SLC47A2: variants seen among roughly 807,000 people sequenced by gnomAD.
SLC47A2 encodes solute carrier family 47 member 2.
Under a neutral mutation model 67.7 loss-of-function variants are expected in SLC47A2, and 52 were observed. The ratio of observed to expected loss-of-function variants is 0.77; its 90% CI spans 0.61 to 0.97. SLC47A2 has a LOEUF of 0.97. Among genes scored for constraint, SLC47A2 ranks in the 50% least tolerant of loss-of-function variants. The probability of loss-of-function intolerance (pLI) is 0.00; values close to 1 mark genes in which losing one functional copy is unlikely to be tolerated. For missense variants in SLC47A2, 676 were observed against 712.3 expected (o/e 0.95, Z 0.58); for synonymous variants, 278 against 292.9 (o/e 0.95, Z 0.52).
intron 5 of SLC47A2, among the ~76,000 whole-genome samples, chr17:19,710,376 A>G (rs2086061293): frequency 6.6e-6 from 1 of 152,258 alleles, no homozygotes; most frequent in African/African-American, 2.4e-5. Flanking sequence ...AGTTGGATTA[A>G]TATCTTAAAT....
intron 13 of SLC47A2, among the ~76,000 whole-genome samples, chr17:19,687,822 A>T (rs1180103002): frequency 6.6e-6 from 1 of 152,182 alleles, no homozygotes; most frequent in Non-Finnish European, 1.5e-5. Context: ...GACTAATAAC[A>T]AATAATGAGA....
At chr17:19,717,712 CA>C (rs80151385), upstream of SLC47A2, 1,033 of 128,922 alleles carry the variant, frequency 8.0e-3, 7 homozygotes, top group East Asian at 0.052. Flanking sequence ...AGGACAAATA[CA>C]AAAAAAAAAA....
chr17:19,695,949 T>C (rs943775083), intron 13 of SLC47A2, among the ~76,000 whole-genome samples: 6 of 151,656 alleles, frequency 4.0e-5, no homozygotes, highest in African/African-American at 1.5e-4. Flanking sequence ...GGTCTTGAAC[T>C]CCTGACCTCA....
chr17:19,711,370 T>G (rs921397379), intron 5 of SLC47A2, among the ~76,000 whole-genome samples: 8 of 150,450 alleles, frequency 5.3e-5, no homozygotes, highest in African/African-American at 1.9e-4. Flanking sequence ...AGCGAGTGGA[T>G]CACCTGAGGT....
chr17:19,686,878 G>A (rs9909912), intron 13 of SLC47A2, among the ~76,000 whole-genome samples: 15 of 152,104 alleles, frequency 9.9e-5, no homozygotes, highest in African/African-American at 3.6e-4. Flanking sequence ...TTGCAACACT[G>A]GACAGATCAT....
intron 8 of SLC47A2, among the ~76,000 whole-genome samples, chr17:19,707,299 C>T (rs1048805941): frequency 6.6e-6 from 1 of 152,036 alleles, no homozygotes; most frequent in African/African-American, 2.4e-5. Flanking sequence ...CAGAAAAGGA[C>T]AGGCAGGCCC....
chr17:19,713,404 A>C lies in SLC47A2; in HGVS notation c.443+421T>G, dbSNP rs531978690. Among the ~76,000 whole-genome samples, 373 of 144,946 alleles carry C rather than the reference A, an allele frequency of 2.6e-3. 1 individual carries two copies. The highest frequency in any genetic ancestry group is 8.4e-3 in the African/African-American group (299 of 35,512). ...CTCTGTCTCAAGTAATAATAATAAT[A>C]ATAATAATAATCATCATCATCATCA... On this transcript the variant is annotated intron_variant, in intron 4 of 16. Transcript: ENST00000433844.
chr17:19,694,083 A>T (rs368796292), intron 13 of SLC47A2, among the ~76,000 whole-genome samples: 1 of 152,198 alleles, frequency 6.6e-6, no homozygotes, highest in Non-Finnish European at 1.5e-5. Context: ...GAAGTATAAG[A>T]TTTGTCCATT....
chr17:19,692,613 A>T (rs112534696), intron 13 of SLC47A2, among the ~76,000 whole-genome samples: 2,170 of 152,352 alleles, frequency 0.014, 53 homozygotes, highest in African/African-American at 0.05. Flanking sequence ...TATTTAAACA[A>T]GAAATAATGT....
upstream of SLC47A2, chr17:19,717,784 C>G (rs1216989436): frequency 6.6e-6 from 1 of 152,216 alleles, no homozygotes. Context: ...CCAGTCAACA[C>G]GCAGCCTTCT....
At chr17:19,714,491 A>G in intron 3 of SLC47A2, 1 of 598,032 alleles carries the variant, frequency 1.7e-6, no homozygotes, top group Non-Finnish European at 3.0e-6. Context: ...AGATCAGAGA[A>G]CTGTCTCCAC....
chr17:19,686,645 A>G lies in SLC47A2; in HGVS notation c.1165-4975T>C, dbSNP rs528084991. On this transcript the variant is annotated intron_variant, in intron 13 of 16. Coordinates refer to ENST00000433844, the MANE Select transcript of SLC47A2 (RefSeq NM_001099646.3). ...CAAATTGAAACCAAAAGTGATCAGG[A>G]GTAGTTTATACTTAGATAAAATAGA... 5.9e-5 allele frequency among the ~76,000 whole-genome samples: 9 copies of G among 152,334 alleles called. No individual in the cohort carries two copies. The East Asian group carries it at 1.7e-3, about 29-fold the overall frequency.
chr17:19,706,624 C>T (rs371955782), intron 9 of SLC47A2, 24 bp downstream of exon 9: 77 of 1,544,710 alleles, frequency 5.0e-5, no homozygotes, highest in Middle Eastern at 1.7e-4. Flanking sequence ...CACGCCATTG[C>T]GCCCCCCATC....
In SLC47A2 at chr17:19,704,668, T is replaced by C. The variant is rs1450430528; in HGVS notation, c.910-490A>G. The C allele has an allele frequency of 1.9e-6, 3 of 1,549,678 alleles. No individual in the cohort carries two copies. The Admixed American group carries it at 5.9e-5, about 30-fold the overall frequency. On this transcript the variant is annotated intron_variant, in intron 10 of 16. Coordinates refer to ENST00000433844, the MANE Select transcript of SLC47A2 (RefSeq NM_001099646.3). ...AGATGCGTACCCGAGTGACATGGGC[T>C]GCATAAGCAAGACGATGGCTGTGTC...
chr17:19,694,592 C>T (rs919354877), intron 13 of SLC47A2, among the ~76,000 whole-genome samples: 2 of 152,110 alleles, frequency 1.3e-5, no homozygotes, highest in African/African-American at 4.8e-5. Context: ...AATTTAAACC[C>T]TTACCTCATA....
intron 10 of SLC47A2, chr17:19,705,159 T>C: frequency 2.1e-6 from 1 of 465,628 alleles, no homozygotes; most frequent in South Asian, 3.3e-5. Context: ...AAAAATAAGA[T>C]TGTGATGTGA....
At chr17:19,686,928 G>T (rs1281642074) in intron 13 of SLC47A2, among the ~76,000 whole-genome samples, 2 of 152,164 alleles carry the variant, frequency 1.3e-5, no homozygotes, top group East Asian at 3.8e-4. Flanking sequence ...GACTTAATCT[G>T]CCCTAGAGAC....
upstream of SLC47A2, chr17:19,716,952 G>C: frequency 5.7e-6 from 1 of 174,664 alleles, no homozygotes; most frequent in Non-Finnish European, 1.2e-5. Flanking sequence ...CCTGTACCCG[G>C]GCGTGATGGT....
chr17:19,695,551 A>G (rs1380915890), intron 13 of SLC47A2, among the ~76,000 whole-genome samples: 4 of 151,286 alleles, frequency 2.6e-5, no homozygotes, highest in Non-Finnish European at 5.9e-5. Context: ...TACCATAAAT[A>G]TATTTATCTG....
Sources: gnomAD v4.1 joint callset for allele counts (sites outside exome capture counted in the v4.1 genomes callset) on GRCh38, gnomAD v4.1.1 for gene constraint, MANE v1.5 for transcripts, NCBI Gene and HGNC (gene_info 2026-07-23, HGNC 2026-07-21) for gene names.